CTIF: variants seen among roughly 807,000 people sequenced by gnomAD.
CTIF encodes CBP80/20-dependent translation initiation factor.
A neutral mutation model predicts 66.0 loss-of-function variants in CTIF; 21 were observed. The observed-to-expected ratio is 0.32, with a 90% CI of 0.23 to 0.46. CTIF has a LOEUF of 0.46. Ranked by LOEUF, CTIF falls within the 20% of genes least tolerant of loss-of-function variation. The pLI is 1.00. For missense variants in CTIF, 739 were observed against 812.7 expected (o/e 0.91, Z 1.10); for synonymous variants, 345 against 326.4 (o/e 1.06, Z -0.62).
intron 9 of CTIF, among the ~76,000 whole-genome samples, chr18:48,778,353 G>C (rs545808925): frequency 6.6e-6 from 1 of 152,346 alleles, no homozygotes; most frequent in South Asian, 2.1e-4. Flanking sequence ...AGGTCTGCAG[G>C]AGTGCAGGGG....
chr18:48,814,228 G>A (rs1172707669), intron 9 of CTIF, among the ~76,000 whole-genome samples: 1 of 152,178 alleles, frequency 6.6e-6, no homozygotes, highest in East Asian at 1.9e-4. Context: ...TGATAGAGGG[G>A]CACCATTTTA....
chr18:48,628,126 G>A (rs1025381825), intron 2 of CTIF, among the ~76,000 whole-genome samples: 1 of 152,216 alleles, frequency 6.6e-6, no homozygotes, highest in Non-Finnish European at 1.5e-5. Context: ...TTTAGCCTGA[G>A]CAAATAGGAT....
Position 48,861,495 on chromosome 18 carries a change from GC to G in CTIF, c.*1937del. On this transcript the variant is annotated 3_prime_UTR_variant, in exon 12 of 12. Coordinates refer to ENST00000256413, the MANE Select transcript of CTIF (RefSeq NM_014772.3). ...CCGGGCTGATGCGGGGCTGCTCAGG[GC>G]AGGCCCCAGGGCGAGCTTGCCATCG... 7.0e-6 allele frequency: 1 copy of G among 142,558 alleles called. No individual in the cohort carries two copies. The highest frequency in any genetic ancestry group is 3.1e-5 in the African/African-American group (1 of 32,338). The allele number at this position is 142,558 out of a possible 1,614,324, so 8.8% of individuals were successfully genotyped here. A position where few individuals can be genotyped will look rare whatever the true frequency, so the allele number is the denominator to read the frequency against.
intron 10 of CTIF, among the ~76,000 whole-genome samples, chr18:48,854,171 G>A (rs2069271997): frequency 6.6e-6 from 1 of 152,144 alleles, no homozygotes; most frequent in African/African-American, 2.4e-5. Context: ...AGTTCACCCT[G>A]GAAAATGTCT....
chr18:48,687,952 A>C (rs1401381979), intron 6 of CTIF, among the ~76,000 whole-genome samples: 3 of 152,226 alleles, frequency 2.0e-5, no homozygotes, highest in African/African-American at 7.2e-5. Context: ...TTCACATTTC[A>C]ACAATCCACG....
chr18:48,832,668 CTA>C (rs1239390819), intron 10 of CTIF, among the ~76,000 whole-genome samples: 5 of 152,192 alleles, frequency 3.3e-5, no homozygotes, highest in African/African-American at 1.2e-4. Flanking sequence ...TTACACAGGA[CTA>C]CCATTTCTGT....
chr18:48,600,305 T>C (rs1175789664), intron 1 of CTIF, among the ~76,000 whole-genome samples: 2 of 152,090 alleles, frequency 1.3e-5, no homozygotes, highest in African/African-American at 4.8e-5. Context: ...CTGAAGGTCA[T>C]GTGGCGGTGG....
intron 2 of CTIF, among the ~76,000 whole-genome samples, chr18:48,624,112 A>ACGCTTGACACCACG (rs2090550399): frequency 2.3e-5 from 1 of 44,280 alleles, no homozygotes; most frequent in Admixed American, 3.0e-4. Flanking sequence ...TTGACACCAC[A>ACGCTTGACACCACG]CCCCTCCCCA....
intron 9 of CTIF, among the ~76,000 whole-genome samples, chr18:48,780,939 C>T (rs1280273522): frequency 6.6e-6 from 1 of 152,218 alleles, no homozygotes; most frequent in Non-Finnish European, 1.5e-5. Context: ...CATCCCATCC[C>T]CTCCTAGCTG....
At chr18:48,687,232 G>T (rs1035264702) in intron 6 of CTIF, among the ~76,000 whole-genome samples, 3 of 151,342 alleles carry the variant, frequency 2.0e-5, no homozygotes, top group Non-Finnish European at 2.9e-5. Flanking sequence ...GAGGATAAAG[G>T]GGGTGCAGGA....
chr18:48,714,458 T>C (rs1174190262), intron 7 of CTIF, among the ~76,000 whole-genome samples: 1 of 152,192 alleles, frequency 6.6e-6, no homozygotes, highest in Non-Finnish European at 1.5e-5. Flanking sequence ...GAGAGGAGTC[T>C]GTGGCTTTCC....
In CTIF at chr18:48,758,093, C is replaced by T. The variant is rs372198425; in HGVS notation, c.759C>T (p.Gly253=). Residue 253 remains glycine (G), a synonymous_variant, in exon 8 of 12, where the codon GGC becomes GGT. Coordinates refer to ENST00000256413, the MANE Select transcript of CTIF (RefSeq NM_014772.3). Reference sequence around the variant, plus strand: ...GCCAGAACCGGCGCTGGCACCATGGCAACATGAAGCACCCACCAGGCGACA... The same window carrying T: ...GCCAGAACCGGCGCTGGCACCATGGTAACATGAAGCACCCACCAGGCGACA... ...GYSQNRRWHH[G]NMKHPPGDKG... 1 of 1,613,996 alleles carries T rather than the reference C, an allele frequency of 6.2e-7. No homozygotes were observed. The highest frequency in any genetic ancestry group is 8.5e-7 in the Non-Finnish European group (1 of 1,180,014).
At chr18:48,857,926 C>T (rs2146678895) in intron 11 of CTIF, among the ~76,000 whole-genome samples, 1 of 152,384 alleles carries the variant, frequency 6.6e-6, no homozygotes. Flanking sequence ...CGCCCCAGCT[C>T]AGGCATGCCA....
chr18:48,641,101 G>A (rs1013649483), intron 3 of CTIF, among the ~76,000 whole-genome samples: 10 of 152,208 alleles, frequency 6.6e-5, no homozygotes, highest in African/African-American at 1.4e-4. Flanking sequence ...GACGTCAGAC[G>A]TTTCCAGCTT....
At chr18:48,571,233 T>G (rs1462222017) in intron 1 of CTIF, among the ~76,000 whole-genome samples, 1 of 152,176 alleles carries the variant, frequency 6.6e-6, no homozygotes, top group Non-Finnish European at 1.5e-5. Flanking sequence ...ACTGGCTCAC[T>G]GCAACCTCTG....
intron 7 of CTIF, among the ~76,000 whole-genome samples, chr18:48,727,145 G>A (rs914794202): frequency 6.6e-6 from 1 of 151,844 alleles, no homozygotes; most frequent in African/African-American, 2.4e-5. Flanking sequence ...TAGGGTAACA[G>A]CCTTAGATAC....
chr18:48,774,259 G>A (rs1039720096), intron 9 of CTIF, among the ~76,000 whole-genome samples: 6 of 152,166 alleles, frequency 3.9e-5, no homozygotes, highest in East Asian at 1.9e-4. Flanking sequence ...CAGGAGAGGC[G>A]GATACACTCG....
At chr18:48,549,945 T>C (rs1599125639) in intron 1 of CTIF, among the ~76,000 whole-genome samples, 1 of 124,832 alleles carries the variant, frequency 8.0e-6, no homozygotes, top group African/African-American at 2.6e-5. Context: ...TTAGCTTTAC[T>C]TTTTTTTATA....
chr18:48,584,334 G>C (rs1272558025), intron 1 of CTIF, among the ~76,000 whole-genome samples: 1 of 152,178 alleles, frequency 6.6e-6, no homozygotes, highest in Non-Finnish European at 1.5e-5. Context: ...AATTCTGTTA[G>C]CCATATGTTG....
Sources: gnomAD v4.1 joint callset for allele counts (sites outside exome capture counted in the v4.1 genomes callset) on GRCh38, gnomAD v4.1.1 for gene constraint, MANE v1.5 for transcripts, NCBI Gene and HGNC (gene_info 2026-07-23, HGNC 2026-07-21) for gene names.